The following RANBP2 variants were observed in gnomAD, a reference collection of about 807,000 sequenced individuals.
RANBP2 encodes E3 SUMO-protein ligase RanBP2.
A neutral mutation model predicts 303.6 loss-of-function variants in RANBP2; 57 were observed. The observed-to-expected ratio is 0.19, with a 90% CI of 0.15 to 0.23. The LOEUF is 0.23. RANBP2 is among the 10% of genes least tolerant of loss of function. The probability of loss-of-function intolerance (pLI) is 1.00; values close to 1 mark genes in which losing one functional copy is unlikely to be tolerated. For missense variants in RANBP2, 3,138 were observed against 3,780.8 expected (o/e 0.83, Z 4.46); for synonymous variants, 1,167 against 1,301.5 (o/e 0.90, Z 2.23).
chr2:109,161,835 C>A, the RANBP2 span, among the ~76,000 whole-genome samples: 2 of 151,940 alleles, frequency 1.3e-5, no homozygotes, highest in African/African-American at 4.8e-5. Context: ...TACCTCCCAT[C>A]GGGCCCCGTC....
At chr2:109,175,784 A>G in the RANBP2 span, among the ~76,000 whole-genome samples, 1 of 152,220 alleles carries the variant, frequency 6.6e-6, no homozygotes, top group East Asian at 1.9e-4. Flanking sequence ...AAGAGAGTCT[A>G]GAGTAAGGAG....
chr2:108,949,579 T>C, the RANBP2 span, among the ~76,000 whole-genome samples: 1 of 152,190 alleles, frequency 6.6e-6, no homozygotes, highest in African/African-American at 2.4e-5. Context: ...AATTGCATCA[T>C]AAAATCTTTT....
At chr2:109,659,589 C>A in the RANBP2 span, among the ~76,000 whole-genome samples, 2 of 152,282 alleles carry the variant, frequency 1.3e-5, no homozygotes, top group South Asian at 2.1e-4. Flanking sequence ...GCTGGACAGC[C>A]CCTGCAGCAG....
At chr2:108,979,760 C>T in the RANBP2 span, among the ~76,000 whole-genome samples, 2 of 152,232 alleles carry the variant, frequency 1.3e-5, no homozygotes, top group Admixed American at 6.5e-5. Context: ...GCCACTGAGG[C>T]GCATGTCACC....
chr2:108,767,372 C>T lies in RANBP2; in HGVS notation c.6833C>T (p.Ser2278Phe), dbSNP rs1370559917. The change falls in exon 20 of 29, where the codon TCT becomes TTT. Residue 2278 changes from serine to phenylalanine, a missense_variant. Coordinates refer to ENST00000283195, the MANE Select transcript of RANBP2 (RefSeq NM_006267.5). ...NFSFKSALSPSKSPAKLNQSG... is the reference protein window; with the variant it reads ...NFSFKSALSPFKSPAKLNQSG... ...AGTTTTAAATCTGCTTTGAGTCCAT[C>T]TAAGTCTCCTGCCAAGTTGAATCAG... The T allele has an allele frequency of 6.2e-7, 1 of 1,611,886 alleles. No homozygotes were observed. The highest frequency in any genetic ancestry group is 1.3e-5 in the African/African-American group (1 of 74,850).
chr2:109,761,451 G>A, the RANBP2 span, among the ~76,000 whole-genome samples: 1 of 149,430 alleles, frequency 6.7e-6, no homozygotes, highest in East Asian at 2.1e-4. Context: ...CCACCCGGGC[G>A]CCCCAGGTAT....
At chr2:109,710,782 C>T in the RANBP2 span, among the ~76,000 whole-genome samples, 1 of 152,108 alleles carries the variant, frequency 6.6e-6, no homozygotes, top group Non-Finnish European at 1.5e-5. Flanking sequence ...TGAGAGGAGA[C>T]CTGGGGAAGG....
the RANBP2 span, among the ~76,000 whole-genome samples, chr2:108,993,216 G>T: frequency 6.6e-6 from 1 of 152,148 alleles, no homozygotes; most frequent in Non-Finnish European, 1.5e-5. Flanking sequence ...AGGCAGTCCT[G>T]CAGAGTTGGG....
the RANBP2 span, among the ~76,000 whole-genome samples, chr2:109,111,119 TCTTA>T: frequency 6.6e-6 from 1 of 152,198 alleles, no homozygotes; most frequent in Non-Finnish European, 1.5e-5. Context: ...ATGCTGAAAG[TCTTA>T]CTGCTTTACA....
the RANBP2 span, among the ~76,000 whole-genome samples, chr2:109,547,948 G>A: frequency 6.6e-6 from 1 of 152,136 alleles, no homozygotes; most frequent in Non-Finnish European, 1.5e-5. Context: ...ATGTGCTGGG[G>A]TAACTGTGGG....
the RANBP2 span, among the ~76,000 whole-genome samples, chr2:109,736,745 T>C: frequency 6.6e-6 from 1 of 152,204 alleles, no homozygotes; most frequent in Admixed American, 6.5e-5. Context: ...GATGTCACGT[T>C]TTGTTTTAAT....
the RANBP2 span, chr2:109,399,018 C>A: frequency 7.0e-7 from 1 of 1,438,600 alleles, no homozygotes; most frequent in East Asian, 2.4e-5. Flanking sequence ...TTCAGTGTCC[C>A]CCGTTCCTCA....
the RANBP2 span, among the ~76,000 whole-genome samples, chr2:108,873,107 G>T: frequency 6.6e-6 from 1 of 151,968 alleles, no homozygotes; most frequent in Non-Finnish European, 1.5e-5. Flanking sequence ...TACTTAAGCA[G>T]AATTTCTTGT....
the RANBP2 span, among the ~76,000 whole-genome samples, chr2:108,984,984 G>C: frequency 6.6e-6 from 1 of 152,302 alleles, no homozygotes; most frequent in East Asian, 1.9e-4. Context: ...AAGAGATTTG[G>C]TAACCATCTG....
chr2:109,385,868 TAA>T, the RANBP2 span, among the ~76,000 whole-genome samples: 3 of 150,990 alleles, frequency 2.0e-5, no homozygotes, highest in African/African-American at 4.9e-5. Context: ...CTTTTGTATT[TAA>T]AAAGAGATGG....
At chr2:109,056,178 G>A in the RANBP2 span, among the ~76,000 whole-genome samples, 2 of 151,452 alleles carry the variant, frequency 1.3e-5, no homozygotes, top group South Asian at 4.2e-4. Context: ...GGAAGACAGG[G>A]TCTTGCTCTG....
At chr2:109,372,224 T>A in the RANBP2 span, among the ~76,000 whole-genome samples, 1 of 152,202 alleles carries the variant, frequency 6.6e-6, no homozygotes, top group African/African-American at 2.4e-5. Flanking sequence ...TAATTTCCTT[T>A]CCCTTTTCTG....
the RANBP2 span, chr2:109,544,951 A>G: frequency 1.0e-6 from 1 of 984,980 alleles, no homozygotes; most frequent in Non-Finnish European, 1.2e-6. Flanking sequence ...ACAAACAAAA[A>G]TACCTGTAAA....
the RANBP2 span, among the ~76,000 whole-genome samples, chr2:109,081,544 G>C: frequency 2.6e-5 from 4 of 152,150 alleles, no homozygotes; most frequent in Non-Finnish European, 5.9e-5. Context: ...TCGTGCTCAG[G>C]GTTTATGAGA....
Sources: gnomAD v4.1 joint callset for allele counts (sites outside exome capture counted in the v4.1 genomes callset) on GRCh38, gnomAD v4.1.1 for gene constraint, MANE v1.5 for transcripts, NCBI Gene and HGNC (gene_info 2026-07-23, HGNC 2026-07-21) for gene names.